GOLIM4: variants seen among roughly 807,000 people sequenced by gnomAD.
GOLIM4 encodes 130 kDa golgi-localized phosphoprotein.
Under a neutral mutation model 107.4 loss-of-function variants are expected in GOLIM4, and 71 were observed. The ratio of observed to expected loss-of-function variants is 0.66; its 90% CI spans 0.55 to 0.81. The LOEUF (loss-of-function observed/expected upper bound fraction) is 0.81. Among genes scored for constraint, GOLIM4 ranks in the 30% least tolerant of loss-of-function variants. The pLI, the probability that GOLIM4 is intolerant of heterozygous loss-of-function variation, is 0.00. For synonymous variants in GOLIM4, 327 were observed against 294.8 expected, an observed-to-expected ratio of 1.11 and a Z score of -1.12; for missense variants, 830 against 826.1, an observed-to-expected ratio of 1.00 and a Z score of -0.06.
chr3:168,047,544 GGTCA>G (rs1719381106), intron 2 of GOLIM4, among the ~76,000 whole-genome samples: 1 of 152,052 alleles, frequency 6.6e-6, no homozygotes, highest in Admixed American at 6.6e-5. Context: ...TCAATCCAAG[GGTCA>G]GTAAAACATC....
At chr3:168,025,973 G>C (rs3935393) in intron 12 of GOLIM4, among the ~76,000 whole-genome samples, 84,070 of 152,018 alleles carry the variant, frequency 0.55, 24,885 homozygotes, top group African/African-American at 0.77. Context: ...CCAATCACTC[G>C]CAGGTCATCA....
rs1483307855 is a variant in GOLIM4 at position 168,095,168 on chromosome 3, G to A, written c.118C>T (p.Leu40=). The change falls in exon 1 of 16, where the codon CTG becomes TTG. Residue 40 remains leucine (L), a synonymous_variant. Transcript: ENST00000470487. ...AMLYYELQTQ[L]RKAEAVALKY... ...AGCGCCACCGCCTCGGCTTTCCGCAGCTGCGTCTGCAGCTCGTAGTAGAGC... is the reference window on the plus strand; with the variant it reads ...AGCGCCACCGCCTCGGCTTTCCGCAACTGCGTCTGCAGCTCGTAGTAGAGC... 2 of 1,612,774 alleles carry A rather than the reference G, an allele frequency of 1.2e-6. No individual in the cohort carries two copies. Among genetic ancestry groups the A allele is most frequent in the African/African-American group, 2.7e-5 (2 of 74,896 alleles).
chr3:168,016,807 C>T (rs1240981225), intron 14 of GOLIM4, among the ~76,000 whole-genome samples: 1 of 140,290 alleles, frequency 7.1e-6, no homozygotes, highest in Non-Finnish European at 1.5e-5. Context: ...AAACCAAACA[C>T]CGCATATTCT....
chr3:168,062,869 G>A (rs115010915), intron 1 of GOLIM4, among the ~76,000 whole-genome samples: 85 of 152,280 alleles, frequency 5.6e-4, no homozygotes, highest in Non-Finnish European at 8.7e-4. Flanking sequence ...CGGTATTTCC[G>A]GCTTAGCTAC....
In GOLIM4 at chr3:168,016,764, A is replaced by T. The variant is rs1233964002; in HGVS notation, c.1861-5941T>A. Among the ~76,000 whole-genome samples, 27 of 137,682 alleles carry T rather than the reference A, an allele frequency of 2.0e-4. 1 individual carries two copies. The highest frequency in any genetic ancestry group is 9.2e-4 in the African/African-American group (26 of 28,296). The allele number at this position is 137,682 out of a possible 152,430, so 90.3% of individuals were successfully genotyped here. ...GTAGGGACATGGATGAAATTGGAAA[A>T]CATCATTCTCAGTAAACTATCGCAA... On this transcript the variant is annotated intron_variant, in intron 14 of 15. Transcript: ENST00000470487.
intron 1 of GOLIM4, among the ~76,000 whole-genome samples, chr3:168,053,912 AAAAAG>A (rs1297448944): frequency 1.3e-5 from 2 of 150,254 alleles, no homozygotes; most frequent in Non-Finnish European, 3.0e-5. Flanking sequence ...AAATAAAAAG[AAAAAG>A]GAGGTGGACC....
rs1321716593 is a variant in GOLIM4 at position 168,083,780 on chromosome 3, T to G, written c.187+11319A>C. Among the ~76,000 whole-genome samples the G allele has an allele frequency of 2.0e-5, 3 of 152,140 alleles. No individual in the cohort carries two copies. The East Asian group carries it at 5.8e-4, about 29-fold the overall frequency. On this transcript the variant is annotated intron_variant, in intron 1 of 15. Coordinates refer to ENST00000470487, the MANE Select transcript of GOLIM4 (RefSeq NM_014498.5). ...AATACTCAAACAACTATACTCACCT[T>G]ATGGTAGGCTGCTACGAAGGCTGCC...
chr3:168,057,230 C>T (rs75952337), intron 1 of GOLIM4, among the ~76,000 whole-genome samples: 6,913 of 152,296 alleles, frequency 0.045, 190 homozygotes, highest in Non-Finnish European at 0.067. Context: ...ACTTCCCAGA[C>T]TTGTGGAACT....
chr3:168,009,144 T>G lies in GOLIM4; in HGVS notation c.*1125A>C, dbSNP rs1288348365. 6.6e-6 allele frequency: 1 copy of G among 152,042 alleles called. No individual in the cohort carries two copies. The highest frequency in any genetic ancestry group is 1.5e-5 in the Non-Finnish European group (1 of 67,996). The allele number at this position is 152,042 out of a possible 1,614,324, so 9.4% of individuals were successfully genotyped here. ...CCAAGGGAAGTTTCTGATTTTTAATTTTCTTATTTTAAGGAATCTATTATA... is the reference window on the plus strand; with the variant it reads ...CCAAGGGAAGTTTCTGATTTTTAATGTTCTTATTTTAAGGAATCTATTATA... On this transcript the variant is annotated 3_prime_UTR_variant, in exon 16 of 16. Transcript: ENST00000470487.
chr3:168,070,254 G>A (rs1461935836), intron 1 of GOLIM4, among the ~76,000 whole-genome samples: 51 of 152,166 alleles, frequency 3.4e-4, no homozygotes, highest in Admixed American at 3.1e-3. Context: ...TTAGACTGGC[G>A]TGGTGGCACG....
chr3:168,046,508 C>G (rs1040696733), intron 3 of GOLIM4, among the ~76,000 whole-genome samples: 20 of 152,132 alleles, frequency 1.3e-4, no homozygotes, highest in African/African-American at 4.8e-4. Flanking sequence ...TGACTCTTAA[C>G]GAGCATGCTG....
At chr3:168,027,977 C>A in intron 11 of GOLIM4, 140 bp from the exon 12 acceptor site, 1 of 637,536 alleles carries the variant, frequency 1.6e-6, no homozygotes. Context: ...GGCCTATGTC[C>A]TGGCTTTTCT....
intron 1 of GOLIM4, among the ~76,000 whole-genome samples, chr3:168,093,166 AT>A (rs1721993978): frequency 6.6e-6 from 1 of 152,228 alleles, no homozygotes; most frequent in Non-Finnish European, 1.5e-5. Flanking sequence ...AAAGGCCATT[AT>A]TCAGAAATTA....
chr3:168,095,011 C>T, intron 1 of GOLIM4, 88 bp downstream of exon 1: 1 of 1,011,474 alleles, frequency 9.9e-7, no homozygotes, highest in South Asian at 1.5e-5. Context: ...AACCACAGTG[C>T]CAATAGCTCA....
chr3:168,073,431 T>C (rs1327631827), intron 1 of GOLIM4, among the ~76,000 whole-genome samples: 1 of 152,206 alleles, frequency 6.6e-6, no homozygotes, highest in Non-Finnish European at 1.5e-5. Flanking sequence ...ATAAAACTTC[T>C]GGGGCTTGAA....
chr3:168,080,324 TATATCAATA>T (rs1343680390), intron 1 of GOLIM4, among the ~76,000 whole-genome samples: 1 of 152,234 alleles, frequency 6.6e-6, no homozygotes, highest in African/African-American at 2.4e-5. Flanking sequence ...TGCACTGTAA[TATATCAATA>T]ATATCTTGTA....
Position 168,024,961 on chromosome 3 carries a change from C to T in GOLIM4, c.1758G>A (p.Lys586=), listed in dbSNP as rs1717914813. 3 of 1,614,044 alleles carry T rather than the reference C, an allele frequency of 1.9e-6. No homozygotes were observed. The highest frequency in any genetic ancestry group is 2.5e-6 in the Non-Finnish European group (3 of 1,179,936). The part of the protein sequence containing the change: ...ENEEQKQSNQ[K]QENTEVEEHL... ...GTTCCTCCACTTCTGTATTCTCTTG[C>T]TTTTGATTACTTTGTTTTTGCTCTT... The change falls in exon 13 of 16, where the codon AAG becomes AAA. Residue 586 remains lysine (K), a synonymous_variant. Transcript: ENST00000470487.
At chr3:168,011,192 T>C (rs1015385608) in intron 14 of GOLIM4, among the ~76,000 whole-genome samples, 1 of 148,770 alleles carries the variant, frequency 6.7e-6, no homozygotes, top group Admixed American at 6.6e-5. Context: ...GCGCGCACCA[T>C]GCGCGAGCCA....
chr3:168,089,924 C>T (rs567115538), intron 1 of GOLIM4, among the ~76,000 whole-genome samples: 25 of 152,188 alleles, frequency 1.6e-4, no homozygotes, highest in African/African-American at 5.8e-4. Context: ...TGTGCCACCA[C>T]ACCTGGCTAA....
Sources: allele counts gnomAD v4.1 joint callset (sites outside exome capture counted in the v4.1 genomes callset), GRCh38; gene constraint gnomAD v4.1.1; transcripts MANE v1.5; gene names NCBI Gene and HGNC (gene_info 2026-07-23, HGNC 2026-07-21).